Variants in SLC30A5 observed in about 807,000 individuals in gnomAD.
SLC30A5 encodes solute carrier family 30 member 5.
In SLC30A5, 33 loss-of-function variants were observed where a neutral mutation model predicts 79.6. The ratio of observed to expected loss-of-function variants is 0.41; its 90% CI spans 0.31 to 0.55. The LOEUF (loss-of-function observed/expected upper bound fraction) is 0.55. Ranked by LOEUF, SLC30A5 falls within the 20% of genes least tolerant of loss-of-function variation. The probability of loss-of-function intolerance (pLI) is 0.20; values close to 1 mark genes in which losing one functional copy is unlikely to be tolerated. For missense variants in SLC30A5, 788 were observed against 928.1 expected (o/e 0.85, Z 1.96); for synonymous variants, 299 against 319.7 (o/e 0.94, Z 0.69).
At chr5:69,104,436 C>G (rs767122025) in intron 3 of SLC30A5, 195 bp from the exon 4 acceptor site, 2 of 1,330,590 alleles carry the variant, frequency 1.5e-6, no homozygotes, top group Non-Finnish European at 1.9e-6. Flanking sequence ...GCCACAGCAC[C>G]CGGCCCAGAA....
At chr5:69,114,053 A>T (rs1746301004) in intron 6 of SLC30A5, among the ~76,000 whole-genome samples, 1 of 152,198 alleles carries the variant, frequency 6.6e-6, no homozygotes, top group African/African-American at 2.4e-5. Flanking sequence ...ATTCCACTGG[A>T]CAGGAGTGGT....
At chr5:69,125,224 T>C (rs1211057768) in intron 14 of SLC30A5, among the ~76,000 whole-genome samples, 1 of 151,084 alleles carries the variant, frequency 6.6e-6, no homozygotes. Context: ...AGTCCATCTC[T>C]ACTAAAAATA....
At chr5:69,122,515 G>A (rs955687105) in intron 13 of SLC30A5, among the ~76,000 whole-genome samples, 2 of 152,122 alleles carry the variant, frequency 1.3e-5, no homozygotes, top group Admixed American at 1.3e-4. Context: ...TTAGCCAGGT[G>A]TGGTGGCAGG....
rs149677627 is a variant in SLC30A5, at chr5:69,122,990, G to A, written c.1772-209G>A. On this transcript the variant is annotated intron_variant, in intron 13 of 15. Coordinates refer to ENST00000396591, the MANE Select transcript of SLC30A5 (RefSeq NM_022902.5). ...CAAAGTACACCATAAAATTTGGCACGCTGTGTCATGAGTGCCTATGTCCTT... is the reference window on the plus strand; with the variant it reads ...CAAAGTACACCATAAAATTTGGCACACTGTGTCATGAGTGCCTATGTCCTT... 4.4e-3 allele frequency among the ~76,000 whole-genome samples: 672 copies of A among 152,212 alleles called. 7 individuals carry two copies. Among genetic ancestry groups the A allele is most frequent in the African/African-American group, 0.015 (617 of 41,532 alleles).
In SLC30A5 at chr5:69,116,875, T is replaced by C. The variant is rs1038620860; in HGVS notation, c.1281+273T>C. 3.3e-5 allele frequency among the ~76,000 whole-genome samples: 5 copies of C among 152,200 alleles called. No homozygotes were observed. The highest frequency in any genetic ancestry group is 2.1e-4 in the South Asian group (1 of 4,834). On this transcript the variant is annotated intron_variant, in intron 10 of 15. Transcript: ENST00000396591. This position sits in a 1 kb window ranked among gnomAD's most constrained non-coding sequence, Gnocchi z 4.0. ...GTATGTTCCTTCAAATCAGTAAATA[T>C]AGTAGCATTTAAAGAGTTCTAATAA...
At chr5:69,123,661 AT>A (rs1746596141) in intron 14 of SLC30A5, 1 of 399,198 alleles carries the variant, frequency 2.5e-6, no homozygotes, top group East Asian at 4.8e-5. Context: ...GATGGATGAG[AT>A]TTTCTTGGAT....
intron 4 of SLC30A5, among the ~76,000 whole-genome samples, chr5:69,106,114 C>T (rs4976217): frequency 0.15 from 23,426 of 152,030 alleles, 2,295 homozygotes; most frequent in Middle Eastern, 0.22. Context: ...GTCCTTTCCC[C>T]TCTCATGGCC....
chr5:69,109,137 A>G (rs1445900592), intron 5 of SLC30A5, among the ~76,000 whole-genome samples: 1 of 152,180 alleles, frequency 6.6e-6, no homozygotes, highest in Admixed American at 6.6e-5. Flanking sequence ...TCATATCACA[A>G]TAGGGTGACT....
intron 2 of SLC30A5, 79 bp downstream of exon 2, chr5:69,101,008 CT>C: frequency 7.4e-7 from 1 of 1,348,900 alleles, no homozygotes; most frequent in Non-Finnish European, 1.0e-6. Flanking sequence ...CTTTAAGAAA[CT>C]TTACATACAA....
intron 1 of SLC30A5, among the ~76,000 whole-genome samples, chr5:69,097,810 A>G (rs1745789762): frequency 6.6e-6 from 1 of 152,124 alleles, no homozygotes; most frequent in African/African-American, 2.4e-5. Context: ...AAGTGCTGGG[A>G]TTACAGGCAT....
At chr5:69,128,225 A>T (rs144333648) in intron 15 of SLC30A5, 93 bp downstream of exon 15, 6 of 723,408 alleles carry the variant, frequency 8.3e-6, no homozygotes, top group South Asian at 1.9e-5. Context: ...GTCATTTACT[A>T]TTCAGAAATA....
At position 69,104,609 on chromosome 5, in the gene SLC30A5, ATTTT is replaced by A. The variant is rs752713096; in HGVS notation, c.274-18_274-15del. The A allele has an allele frequency of 6.6e-7, 1 of 1,504,024 alleles. No individual in the cohort carries two copies. The highest frequency in any genetic ancestry group is 8.9e-7 in the Non-Finnish European group (1 of 1,120,420). 93.2% of individuals were successfully genotyped at this position (1,504,024 alleles called of 1,614,324 possible). ...AAAATATATGTGACTGAAATTTTTA[ATTTT>A]TTTGTTTCCATTTATAGTGGATCAA... On this transcript the variant is annotated intron_variant, in intron 3 of 15. Transcript: ENST00000396591.
chr5:69,120,011 C>T (rs1201125819), intron 12 of SLC30A5, among the ~76,000 whole-genome samples: 1 of 106,830 alleles, frequency 9.4e-6, no homozygotes, highest in African/African-American at 3.6e-5. Flanking sequence ...TAGAGAGACT[C>T]TGCCTCAAAA....
chr5:69,116,924 A>G lies in SLC30A5; in HGVS notation c.1282-315A>G, dbSNP rs1256431426. 6.6e-6 allele frequency among the ~76,000 whole-genome samples: 1 copy of G among 152,336 alleles called. No homozygotes were observed. The highest frequency in any genetic ancestry group is 1.9e-4 in the East Asian group (1 of 5,190). The stretch of plus-strand genomic sequence containing the variant: ...AACTTACAGGATCTCACTATTAGCA[A>G]TCAGTGTTATAAATCACCTATTGCT... On this transcript the variant is annotated intron_variant, in intron 10 of 15. Transcript: ENST00000396591. This position sits in a 1 kb window ranked among gnomAD's most constrained non-coding sequence, Gnocchi z 4.0.
At chr5:69,111,257 G>A (rs1746223385) in intron 5 of SLC30A5, among the ~76,000 whole-genome samples, 1 of 151,392 alleles carries the variant, frequency 6.6e-6, no homozygotes, top group Non-Finnish European at 1.5e-5. Context: ...CTCCCAAAGT[G>A]CTGAGATTAC....
chr5:69,094,637 C>A (rs1342057332), intron 1 of SLC30A5, among the ~76,000 whole-genome samples: 2 of 152,092 alleles, frequency 1.3e-5, no homozygotes, highest in African/African-American at 2.4e-5. Flanking sequence ...CTGTGAGAAG[C>A]CTTTCTCTTG....
chr5:69,129,533 A>G lies in SLC30A5; in HGVS notation c.2214A>G (p.Leu738=), dbSNP rs573736057. The change falls in exon 16 of 16, where the codon CTA becomes CTG. Residue 738 remains leucine (L), a synonymous_variant. Coordinates refer to ENST00000396591, the MANE Select transcript of SLC30A5 (RefSeq NM_022902.5). ...KEAYFQHMSG[L]STGFHDVLAM... ...CATACTTTCAACATATGTCTGGCCT[A>G]AGTACTGGATTTCATGATGTTCTGG... is the stretch of plus-strand genomic sequence containing the variant. 4 of 1,613,698 alleles carry G rather than the reference A, an allele frequency of 2.5e-6. No homozygotes were observed. The African/African-American group carries it at 4.0e-5, about 16-fold the overall frequency.
intron 2 of SLC30A5, among the ~76,000 whole-genome samples, 179 bp downstream of exon 2, chr5:69,101,108 A>C (rs1386325177): frequency 6.6e-6 from 1 of 152,196 alleles, no homozygotes; most frequent in African/African-American, 2.4e-5. Flanking sequence ...GACTGAAAAG[A>C]AAACGGATTG....
At chr5:69,104,106 T>C (rs1181307403) in intron 3 of SLC30A5, 3 of 1,468,304 alleles carry the variant, frequency 2.0e-6, no homozygotes, top group African/African-American at 2.9e-5. Context: ...GACAAGAATA[T>C]AGATAATGGA....
Sources: gnomAD v4.1 joint callset for allele counts (sites outside exome capture counted in the v4.1 genomes callset) on GRCh38, gnomAD v4.1.1 for gene constraint, Gnocchi (gnomAD v3.1) non-coding constraint, MANE v1.5 for transcripts, NCBI Gene and HGNC (gene_info 2026-07-23, HGNC 2026-07-21) for gene names.